CACNG2: variants seen among roughly 807,000 people sequenced by gnomAD.
CACNG2 encodes the protein voltage-dependent calcium channel gamma-2 subunit.
Under a neutral mutation model 25.9 loss-of-function variants are expected in CACNG2, and 3 were observed. The ratio of observed to expected loss-of-function variants is 0.12; its 90% confidence interval spans 0.05 to 0.30. The LOEUF (loss-of-function observed/expected upper bound fraction) is 0.30. CACNG2 is among the 10% of genes least tolerant of loss of function. The probability of loss-of-function intolerance (pLI) is 1.00; values close to 1 mark genes in which losing one functional copy is unlikely to be tolerated. For missense variants in CACNG2, 341 were observed against 432.5 expected (o/e 0.79, Z 1.88); for synonymous variants, 167 against 173.3 (o/e 0.96, Z 0.29).
chr22:36,633,782 G>A (rs745894047), intron 1 of CACNG2, among the ~76,000 whole-genome samples: 7 of 152,242 alleles, frequency 4.6e-5, no homozygotes, highest in Non-Finnish European at 8.8e-5. Flanking sequence ...GCAAGGGCAT[G>A]CCTGTGAGTT....
At chr22:36,684,729 C>G (rs899136152) in intron 1 of CACNG2, among the ~76,000 whole-genome samples, 27 of 151,974 alleles carry the variant, frequency 1.8e-4, no homozygotes, top group African/African-American at 6.5e-4. Flanking sequence ...CTCCTTTATA[C>G]AGATTTTATT....
chr22:36,665,454 G>A (rs776934466), intron 1 of CACNG2, among the ~76,000 whole-genome samples: 28 of 152,184 alleles, frequency 1.8e-4, no homozygotes, highest in East Asian at 9.6e-4. Context: ...CTCAGTTAGC[G>A]TGAGCTGCTT....
rs139413040 is a variant in CACNG2 at position 36,613,811 on chromosome 22, C to T, written c.212-26263G>A. Among the ~76,000 whole-genome samples the T allele has an allele frequency of 5.3e-5, 8 of 152,228 alleles. No homozygotes were observed. In the East Asian group the frequency reaches 9.7e-4, roughly 18 times the overall value. On this transcript the variant is annotated intron_variant, in intron 1 of 3. Coordinates refer to ENST00000300105, the MANE Select transcript of CACNG2 (RefSeq NM_006078.5). ...GAACTTAGTGTCCATTTCCCCCATC[C>T]TCTTATGCTGGCTCAATAATAAATC... is the stretch of plus-strand genomic sequence containing the variant.
intron 1 of CACNG2, among the ~76,000 whole-genome samples, chr22:36,680,444 CCAT>C (rs1280102247): frequency 1.3e-5 from 2 of 149,780 alleles, no homozygotes; most frequent in Non-Finnish European, 3.0e-5. Flanking sequence ...ACCATCACCA[CCAT>C]CACCATCACC....
At chr22:36,654,652 G>A (rs111930836) in intron 1 of CACNG2, among the ~76,000 whole-genome samples, 8 of 152,202 alleles carry the variant, frequency 5.3e-5, no homozygotes, top group African/African-American at 1.9e-4. Flanking sequence ...GTCAGAAGCC[G>A]GATTTGGCAG....
At chr22:36,675,110 C>T (rs931273318) in intron 1 of CACNG2, among the ~76,000 whole-genome samples, 1 of 152,290 alleles carries the variant, frequency 6.6e-6, no homozygotes. Context: ...GATCACGGCT[C>T]ACTGCAACCT....
rs150409324 is a variant in CACNG2, at chr22:36,656,664, G to A, written c.211+45702C>T. Among the ~76,000 whole-genome samples, 1,447 of 152,282 alleles carry A rather than the reference G, an allele frequency of 9.5e-3. 22 individuals are homozygous for A. Among genetic ancestry groups the A allele is most frequent in the African/African-American group, 0.032 (1,340 of 41,544 alleles). On this transcript the variant is annotated intron_variant, in intron 1 of 3. Transcript: ENST00000300105. ...CAAAAGCTGCTCTGGCCCCTGCTGC[G>A]TCCCTGACCTCACCTGCTCCAGGGG...
In CACNG2 at chr22:36,606,694, G is replaced by A. The variant is rs888933236; in HGVS notation, c.212-19146C>T. Among the ~76,000 whole-genome samples, 1 of 152,138 alleles carries A rather than the reference G, an allele frequency of 6.6e-6. No homozygotes were observed. The highest frequency in any genetic ancestry group is 1.5e-5 in the Non-Finnish European group (1 of 68,030). On this transcript the variant is annotated intron_variant, in intron 1 of 3. Transcript: ENST00000300105. The surrounding 1 kb of genome is among the most constrained non-coding windows in gnomAD (Gnocchi z 5.7). ...AGAGCAAGTGAGGGCCAACCAGAGA[G>A]AGGACAGGATGCTGAAGCCAGAAGT...
intron 1 of CACNG2, among the ~76,000 whole-genome samples, chr22:36,656,955 C>T (rs1936715739): frequency 6.6e-6 from 1 of 152,164 alleles, no homozygotes; most frequent in Non-Finnish European, 1.5e-5. Flanking sequence ...TGCCTATCTC[C>T]AGTAGAATGA....
intron 1 of CACNG2, among the ~76,000 whole-genome samples, chr22:36,622,456 G>T (rs1936120211): frequency 6.6e-6 from 1 of 152,216 alleles, no homozygotes; most frequent in Non-Finnish European, 1.5e-5. Flanking sequence ...ATGGACTGGA[G>T]ATCCATGGGT....
At chr22:36,601,244 G>A (rs1416154175) in intron 1 of CACNG2, among the ~76,000 whole-genome samples, 1 of 152,048 alleles carries the variant, frequency 6.6e-6, no homozygotes, top group African/African-American at 2.4e-5. Context: ...ACATATGAGT[G>A]GAGTCATAAA....
chr22:36,575,641 T>C (rs1335037507), intron 2 of CACNG2, among the ~76,000 whole-genome samples: 10 of 152,184 alleles, frequency 6.6e-5, no homozygotes. Flanking sequence ...GCCTCAGATC[T>C]GCACTCTGAT....
intron 1 of CACNG2, among the ~76,000 whole-genome samples, chr22:36,682,050 G>T (rs575191547): frequency 3.3e-5 from 5 of 152,244 alleles, no homozygotes; most frequent in Non-Finnish European, 7.3e-5. Flanking sequence ...AACTAGGGAA[G>T]TGTAACAGCA....
chr22:36,662,841 C>T (rs1002434726), intron 1 of CACNG2, among the ~76,000 whole-genome samples: 10 of 152,034 alleles, frequency 6.6e-5, no homozygotes, highest in Middle Eastern at 3.2e-3. Flanking sequence ...GTTGAGGAGC[C>T]GGGATTTGAA....
intron 1 of CACNG2, among the ~76,000 whole-genome samples, chr22:36,593,737 C>T (rs1253117834): frequency 2.0e-5 from 3 of 151,974 alleles, no homozygotes. Context: ...AACTGGGATA[C>T]AGGTCACTGT....
intron 1 of CACNG2, among the ~76,000 whole-genome samples, chr22:36,647,846 C>T (rs12162670): frequency 6.7e-6 from 1 of 150,364 alleles, no homozygotes; most frequent in Non-Finnish European, 1.5e-5. Flanking sequence ...CTTCACAGTG[C>T]GTAGCACAGT....
chr22:36,652,117 C>T (rs577198055), intron 1 of CACNG2, among the ~76,000 whole-genome samples: 37 of 152,252 alleles, frequency 2.4e-4, no homozygotes, highest in Middle Eastern at 6.8e-3. Context: ...CTGCCTGCCT[C>T]GGCCTCCTAA....
intron 1 of CACNG2, among the ~76,000 whole-genome samples, chr22:36,633,561 T>C (rs1207732247): frequency 6.6e-6 from 1 of 152,228 alleles, no homozygotes; most frequent in African/African-American, 2.4e-5. Context: ...TGTCCTAGAC[T>C]TCCTAAAAAG....
intron 2 of CACNG2, among the ~76,000 whole-genome samples, chr22:36,575,366 T>C (rs1603500493): frequency 6.6e-6 from 1 of 152,196 alleles, no homozygotes; most frequent in East Asian, 1.9e-4. Flanking sequence ...CAAATCATCT[T>C]GTGATCTTGT....
Sources: gnomAD v4.1 joint callset for allele counts (sites outside exome capture counted in the v4.1 genomes callset) on GRCh38, gnomAD v4.1.1 for gene constraint, Gnocchi (gnomAD v3.1) non-coding constraint, MANE v1.5 for transcripts, NCBI Gene and HGNC (gene_info 2026-07-23, HGNC 2026-07-21) for gene names.